Variants in NAV1 observed in about 807,000 individuals in gnomAD.
The protein encoded by NAV1 is pore membrane and/or filament interacting like protein 3.
Under a neutral mutation model 175.2 loss-of-function variants are expected in NAV1, and 18 were observed. The observed-to-expected ratio is 0.10, with a 90% CI of 0.07 to 0.15. The LOEUF (loss-of-function observed/expected upper bound fraction) is 0.15, where lower values mean the gene tolerates loss of function less well. NAV1 is among the 10% of genes least tolerant of loss of function. NAV1 has a pLI of 1.00. For missense variants in NAV1, 1,731 were observed against 2,436.6 expected, an observed-to-expected ratio of 0.71 and a Z score of 6.10; for synonymous variants, 897 against 978.7, an observed-to-expected ratio of 0.92 and a Z score of 1.56.
rs974510707 is a variant in NAV1 at position 201,694,653 on chromosome 1, G to A, written c.758-18164G>A. 2.0e-5 allele frequency among the ~76,000 whole-genome samples: 3 copies of A among 152,146 alleles called. No individual in the cohort carries two copies. The highest frequency in any genetic ancestry group is 6.5e-5 in the Admixed American group (1 of 15,288). ...ATTGACAAAGATGAGAAGTGAACCG[G>A]GAGCCGTAAATAGCCAGGAGCCTGT... On this transcript the variant is annotated intron_variant, in intron 1 of 29. Coordinates refer to ENST00000367296, the Ensembl canonical transcript of NAV1. This position sits in a 1 kb window ranked among gnomAD's most constrained non-coding sequence, Gnocchi z 4.2.
intron 1 of NAV1, among the ~76,000 whole-genome samples, chr1:201,665,169 C>G (rs536042888): frequency 2.1e-4 from 32 of 152,200 alleles, no homozygotes; most frequent in African/African-American, 7.5e-4. Flanking sequence ...GCTCCCCCCG[C>G]ACCCTGCCCC....
chr1:201,603,916 A>G (rs1323351855), intron 2 of NAV1, among the ~76,000 whole-genome samples: 1 of 152,188 alleles, frequency 6.6e-6, no homozygotes, highest in Non-Finnish European at 1.5e-5. Context: ...GATTAAGATA[A>G]AAACAAATGG....
Position 201,718,889 on chromosome 1 carries a change from C to G in NAV1, c.1226+134C>G. 2 of 1,156,380 alleles carry G rather than the reference C, an allele frequency of 1.7e-6. No individual in the cohort carries two copies. Among genetic ancestry groups the G allele is most frequent in the South Asian group, 3.0e-5 (2 of 65,976 alleles). 71.6% of individuals were successfully genotyped at this position (1,156,380 alleles called of 1,614,324 possible). On this transcript the variant is annotated intron_variant, in intron 3 of 29. Coordinates refer to ENST00000367296, the Ensembl canonical transcript of NAV1. The surrounding 1 kb of genome is among the most constrained non-coding windows in gnomAD (Gnocchi z 4.8). ...TGCTATGAAAGTACACAAAAGTGTG[C>G]TGTGTACACTTTGTGATTGCCTCTG... is the stretch of plus-strand genomic sequence containing the variant.
In NAV1 at chr1:201,817,092, A is replaced by G. The variant is rs138579441; in HGVS notation, c.5345A>G (p.His1782Arg). The G allele has an allele frequency of 5.2e-5, 84 of 1,613,914 alleles. No homozygotes were observed. In the African/African-American group the frequency reaches 1.1e-3, roughly 20 times the overall value. Residue 1782 changes from histidine (H) to arginine (R), a missense_variant, in exon 29 of 30, where the codon CAT becomes CGT. Around this residue, in one of 13 missense-constraint regions of NAV1, gnomAD observed 30 missense variants for 97.3 expected, o/e 0.31. Transcript: ENST00000367296. ...CATATTTCACCTTCTTTCCAGGTCCATGGACAGAAAGCTGCTTGGGAGGAC... is the reference window on the plus strand; with the variant it reads ...CATATTTCACCTTCTTTCCAGGTCCGTGGACAGAAAGCTGCTTGGGAGGAC...
intron 1 of NAV1, among the ~76,000 whole-genome samples, chr1:201,683,848 C>T (rs1195239571): frequency 6.6e-6 from 1 of 151,420 alleles, no homozygotes; most frequent in Non-Finnish European, 1.5e-5. Context: ...TGTGTGCAGC[C>T]ACGTTCAAGG....
At chr1:201,745,700 C>T (rs1460720823) in intron 3 of NAV1, among the ~76,000 whole-genome samples, 2 of 152,166 alleles carry the variant, frequency 1.3e-5, no homozygotes, top group African/African-American at 4.8e-5. Context: ...CCTCCCTAGA[C>T]TAAATGTAAA....
chr1:201,688,284 T>C (rs1222363303), intron 1 of NAV1: 3 of 152,174 alleles, frequency 2.0e-5, no homozygotes, highest in Non-Finnish European at 1.5e-5. Flanking sequence ...GAGTAGACCA[T>C]GGCAGGTTAG....
chr1:201,813,344 G>T lies in NAV1; in HGVS notation c.5340+86G>T. On this transcript the variant is annotated intron_variant, in intron 28 of 29. Transcript: ENST00000367296. This position sits in a 1 kb window ranked among gnomAD's most constrained non-coding sequence, Gnocchi z 4.2. ...AATGTTTCTTTAATGTTAGGCATGGGACTACTAGGATTAGTTAGGTTCTCT... is the reference window on the plus strand; with the variant it reads ...AATGTTTCTTTAATGTTAGGCATGGTACTACTAGGATTAGTTAGGTTCTCT... The T allele has an allele frequency of 1.1e-6, 1 of 877,592 alleles. No individual in the cohort carries two copies. The highest frequency in any genetic ancestry group is 1.8e-6 in the Non-Finnish European group (1 of 548,980). 54.4% of individuals were successfully genotyped at this position (877,592 alleles called of 1,614,324 possible).
upstream of NAV1, among the ~76,000 whole-genome samples, chr1:201,643,828 A>AC (rs1213539901): frequency 6.6e-6 from 1 of 150,966 alleles, no homozygotes; most frequent in African/African-American, 2.4e-5. Flanking sequence ...GATTCCCCAG[A>AC]CCCCCCACAG....
chr1:201,585,169 T>C (rs1481856298), intron 1 of NAV1, among the ~76,000 whole-genome samples: 1 of 152,208 alleles, frequency 6.6e-6, no homozygotes, highest in Non-Finnish European at 1.5e-5. Flanking sequence ...CTGGGCTGGA[T>C]CTATTCTGGT....
intron 1 of NAV1, among the ~76,000 whole-genome samples, chr1:201,544,362 T>C (rs1378218110): frequency 6.6e-6 from 1 of 152,236 alleles, no homozygotes; most frequent in African/African-American, 2.4e-5. Context: ...CTGACCCACT[T>C]TACATCCCTT....
rs369802007 is a variant in NAV1, at chr1:201,766,552, T to C, written c.1227-13869T>C. On this transcript the variant is annotated intron_variant, in intron 3 of 29. Coordinates refer to ENST00000367296, the Ensembl canonical transcript of NAV1. ...TTATCTTTTTTTTAAAAATCACTTA[T>C]CCTCTTTAACCTCTTGAATGGTCTC... Among the ~76,000 whole-genome samples, 9 of 152,188 alleles carry C rather than the reference T, an allele frequency of 5.9e-5. 1 individual carries two copies. The highest frequency in any genetic ancestry group is 5.2e-4 in the Admixed American group (8 of 15,266).
chr1:201,594,292 A>G (rs1313721189), intron 2 of NAV1, among the ~76,000 whole-genome samples: 1 of 152,166 alleles, frequency 6.6e-6, no homozygotes, highest in Non-Finnish European at 1.5e-5. Flanking sequence ...TGTTCATTTC[A>G]TAGCCTCTTG....
intron 3 of NAV1, among the ~76,000 whole-genome samples, chr1:201,722,657 TTTTGTTTG>T (rs140405451): frequency 1.4e-4 from 21 of 151,402 alleles, no homozygotes; most frequent in South Asian, 4.2e-4. Flanking sequence ...TCTATGTGTT[TTTTGTTTG>T]TTTGTTTGTT....
intron 2 of NAV1, among the ~76,000 whole-genome samples, chr1:201,590,902 G>A (rs1667172648): frequency 6.6e-6 from 1 of 152,242 alleles, no homozygotes; most frequent in South Asian, 2.1e-4. Flanking sequence ...ATCGCAGACA[G>A]TGAGATGTCT....
chr1:201,809,473 G>A, exon 22 of NAV1: 5 of 1,614,116 alleles, frequency 3.1e-6, no homozygotes, highest in African/African-American at 1.3e-5. Flanking sequence ...TTCCTGGGCT[G>A]TAGCAAGGTC....
intron 3 of NAV1, among the ~76,000 whole-genome samples, chr1:201,728,714 C>T (rs889581617): frequency 1.3e-4 from 20 of 152,196 alleles, no homozygotes; most frequent in Non-Finnish European, 1.0e-4. Flanking sequence ...CCGATCCCCC[C>T]TGAACCTCCC....
Position 201,782,359 on chromosome 1 carries a change from C to T in NAV1, c.1847C>T (p.Thr616Ile). 1 of 1,614,192 alleles carries T rather than the reference C, an allele frequency of 6.2e-7. No homozygotes were observed. The highest frequency in any genetic ancestry group is 1.1e-5 in the South Asian group (1 of 91,082). Reference sequence around the variant, plus strand: ...AAGAAGCCTCCTCCTGCCACAGGCACAGCCACTGTCATGCAAACTGGTGGT... The same window carrying T: ...AAGAAGCCTCCTCCTGCCACAGGCATAGCCACTGTCATGCAAACTGGTGGT... The change falls in exon 6 of 30, where the codon ACA becomes ATA. Residue 616 changes from threonine to isoleucine, a missense_variant. This residue lies in a region of NAV1 where 634 missense variants were observed against 766.8 expected (regional missense o/e 0.83). Transcript: ENST00000367296. This position sits in a 1 kb window ranked among gnomAD's most constrained non-coding sequence, Gnocchi z 5.4.
At chr1:201,618,799 A>G (rs1045215644), upstream of NAV1, among the ~76,000 whole-genome samples, 2 of 152,134 alleles carry the variant, frequency 1.3e-5, no homozygotes, top group African/African-American at 4.8e-5. Context: ...AACTAGAAAC[A>G]ATGTCTCAAT....
Sources: allele counts gnomAD v4.1 joint callset (sites outside exome capture counted in the v4.1 genomes callset), GRCh38; gene constraint gnomAD v4.1.1; regional missense constraint gnomAD v4.1.1; non-coding constraint Gnocchi (gnomAD v3.1); transcripts MANE v1.5; gene names NCBI Gene and HGNC (gene_info 2026-07-23, HGNC 2026-07-21).